The following MACROD2 variants were observed in gnomAD, a reference collection of about 807,000 sequenced individuals.
MACROD2 encodes the protein mono-ADP ribosylhydrolase 2.
Under a neutral mutation model 70.4 loss-of-function variants are expected in MACROD2, and 36 were observed. That is an observed-to-expected ratio of 0.51 (90% CI 0.39 to 0.68). MACROD2 has a LOEUF of 0.68. Ranked by LOEUF, MACROD2 falls within the 30% of genes least tolerant of loss-of-function variation. MACROD2 has a pLI of 0.00. For synonymous variants in MACROD2, 172 were observed against 178.8 expected (o/e 0.96, Z 0.30); for missense variants, 496 against 538.4 (o/e 0.92, Z 0.78).
At chr20:15,209,323 G>T (rs1487480225) in intron 5 of MACROD2, among the ~76,000 whole-genome samples, 1 of 151,908 alleles carries the variant, frequency 6.6e-6, no homozygotes, top group East Asian at 1.9e-4. Context: ...ACTGTCCAGG[G>T]TTTTTAGTTA....
At chr20:14,037,773 TG>T (rs2053334294) in intron 2 of MACROD2, among the ~76,000 whole-genome samples, 1 of 151,796 alleles carries the variant, frequency 6.6e-6, no homozygotes, top group South Asian at 2.1e-4. Flanking sequence ...TCCAGCACCT[TG>T]GGAGGAGGCT....
intron 1 of MACROD2, 141 bp from the exon 2 acceptor site, chr20:14,002,147 G>T: frequency 2.3e-6 from 1 of 434,680 alleles, no homozygotes; most frequent in South Asian, 7.7e-5. Flanking sequence ...ATTTAAATAT[G>T]GAGTCACTGG....
intron 3 of MACROD2, among the ~76,000 whole-genome samples, chr20:14,440,753 G>A (rs531119720): frequency 1.3e-5 from 2 of 152,244 alleles, no homozygotes; most frequent in South Asian, 4.1e-4. Flanking sequence ...TAAGCCTCAG[G>A]GGGCATTAAT....
rs890491704 is a variant in MACROD2 at position 14,369,017 on chromosome 20, G to A, written c.272-124462G>A. On this transcript the variant is annotated intron_variant, in intron 3 of 17. Coordinates refer to ENST00000684519, the MANE Select transcript of MACROD2 (RefSeq NM_001351661.2). ...AGTTTTTATTAGCGAGCATGGGCAT[G>A]GATTTTTTTAAATTCTTCGGTATAC... is the stretch of plus-strand genomic sequence containing the variant. 2.0e-5 allele frequency among the ~76,000 whole-genome samples: 3 copies of A among 152,030 alleles called. No individual in the cohort carries two copies. The East Asian group carries it at 5.8e-4, about 29-fold the overall frequency.
intron 8 of MACROD2, among the ~76,000 whole-genome samples, chr20:15,642,789 G>A (rs1207245196): frequency 1.3e-5 from 2 of 151,894 alleles, no homozygotes; most frequent in African/African-American, 4.9e-5. Context: ...GTGTGTGTAT[G>A]TGTGCACACT....
chr20:15,655,977 A>G (rs947401392), intron 8 of MACROD2, among the ~76,000 whole-genome samples: 1 of 152,270 alleles, frequency 6.6e-6, no homozygotes, highest in East Asian at 1.9e-4. Context: ...TTATCCTCGT[A>G]ATGGTAACCT....
At position 15,579,841 on chromosome 20, in the gene MACROD2, C is replaced by T. The variant is rs75380446; in HGVS notation, c.645+79994C>T. Among the ~76,000 whole-genome samples the T allele has an allele frequency of 5.1e-3, 770 of 152,138 alleles. 4 individuals are homozygous for T. Among genetic ancestry groups the T allele is most frequent in the Non-Finnish European group, 7.5e-3 (511 of 68,008 alleles). ...AAATATAATTATAAGGATGTTAGAC[C>T]CTCTCTTTTGCTGTCACAGCACACA... On this transcript the variant is annotated intron_variant, in intron 8 of 17. Transcript: ENST00000684519.
In MACROD2 at chr20:15,931,131, A is replaced by G. The variant is rs201320432; in HGVS notation, c.776-2145A>G. Among the ~76,000 whole-genome samples, 4 of 152,304 alleles carry G rather than the reference A, an allele frequency of 2.6e-5. No individual in the cohort carries two copies. In the East Asian group the frequency reaches 7.7e-4, roughly 29 times the overall value. Reference sequence around the variant, plus strand: ...ATTTGGTGGGAGGAAAGGGACAGATATTGGCTAAGTTTTTGGCACATGCTC... The same window carrying G: ...ATTTGGTGGGAGGAAAGGGACAGATGTTGGCTAAGTTTTTGGCACATGCTC... On this transcript the variant is annotated intron_variant, in intron 10 of 17. Transcript: ENST00000684519.
chr20:14,168,974 A>G (rs1176451774), intron 3 of MACROD2, among the ~76,000 whole-genome samples: 1 of 152,166 alleles, frequency 6.6e-6, no homozygotes, highest in East Asian at 1.9e-4. Context: ...TAGCTAACCA[A>G]CTTCAACAGC....
rs75563523 is a variant in MACROD2 at position 15,638,897 on chromosome 20, G to C, written c.645+139050G>C. Among the ~76,000 whole-genome samples, 688 of 152,302 alleles carry C rather than the reference G, an allele frequency of 4.5e-3. 10 individuals are homozygous for C. Among genetic ancestry groups the C allele is most frequent in the African/African-American group, 0.016 (649 of 41,560 alleles). ...AATTTTTGACTCCATCCGGAACAGA[G>C]TTGAAATATTCAGGTCCGCAGGGTG... On this transcript the variant is annotated intron_variant, in intron 8 of 17. Transcript: ENST00000684519.
chr20:14,370,921 A>C (rs1195790835), intron 3 of MACROD2, among the ~76,000 whole-genome samples: 1 of 152,216 alleles, frequency 6.6e-6, no homozygotes, highest in Non-Finnish European at 1.5e-5. Flanking sequence ...CTAAAAATTA[A>C]ATAATTATTA....
chr20:14,781,199 C>T (rs759605300), intron 5 of MACROD2, among the ~76,000 whole-genome samples: 26 of 151,982 alleles, frequency 1.7e-4, no homozygotes, highest in Admixed American at 3.3e-4. Flanking sequence ...CCCCCTACCC[C>T]GCCCCACCTC....
chr20:15,816,718 A>G lies in MACROD2; in HGVS notation c.646-46027A>G, dbSNP rs556442593. ...TGACCCCAGGCAGCAGGACTTCATT[A>G]GCTCCAGTCTGTACTAGGCATTACG... On this transcript the variant is annotated intron_variant, in intron 8 of 17. Coordinates refer to ENST00000684519, the MANE Select transcript of MACROD2 (RefSeq NM_001351661.2). Among the ~76,000 whole-genome samples, 3 of 152,336 alleles carry G rather than the reference A, an allele frequency of 2.0e-5. No individual in the cohort carries two copies. The South Asian group carries it at 6.2e-4, about 32-fold the overall frequency.
intron 3 of MACROD2, chr20:14,327,671 A>C (rs2082759922): frequency 1.2e-6 from 1 of 823,464 alleles, no homozygotes; most frequent in Admixed American, 3.5e-5. Flanking sequence ...TAATATTTTC[A>C]TTTGTTTTGG....
intron 4 of MACROD2, among the ~76,000 whole-genome samples, chr20:14,578,303 T>C (rs1980754487): frequency 6.6e-6 from 1 of 152,084 alleles, no homozygotes; most frequent in African/African-American, 2.4e-5. Flanking sequence ...TTTTTTGATA[T>C]TACAGTAGTC....
Position 14,596,412 on chromosome 20 carries a change from C to CATATATATATATATAT in MACROD2, c.302-88424_302-88409dup, listed in dbSNP as rs5840627. 2.4e-3 allele frequency among the ~76,000 whole-genome samples: 343 copies of CATATATATATATATAT among 142,982 alleles called. 3 individuals are homozygous for CATATATATATATATAT. Among genetic ancestry groups the CATATATATATATATAT allele is most frequent in the African/African-American group, 7.9e-3 (307 of 38,846 alleles). 93.8% of individuals were successfully genotyped at this position (142,982 alleles called of 152,430 possible). Reference sequence around the variant, plus strand: ...GCCCATATATATGTAATTTTTTAAACATATATATATATATATATATATGCT... The same window carrying CATATATATATATATAT: ...GCCCATATATATGTAATTTTTTAAACATATATATATATATATATATATATATATATATATATATGCT... On this transcript the variant is annotated intron_variant, in intron 4 of 17. Transcript: ENST00000684519.
chr20:14,130,838 A>C (rs1160398616), intron 3 of MACROD2, among the ~76,000 whole-genome samples: 1 of 152,106 alleles, frequency 6.6e-6, no homozygotes, highest in Non-Finnish European at 1.5e-5. Context: ...GAATCTTCCT[A>C]ATGATGAATT....
At chr20:15,668,593 A>G (rs185586232) in intron 8 of MACROD2, among the ~76,000 whole-genome samples, 3 of 150,056 alleles carry the variant, frequency 2.0e-5, no homozygotes, top group Non-Finnish European at 2.9e-5. Flanking sequence ...AATAAAAATC[A>G]TAGGTGATGC....
At chr20:14,357,516 T>G (rs899223757) in intron 3 of MACROD2, among the ~76,000 whole-genome samples, 4 of 152,226 alleles carry the variant, frequency 2.6e-5, no homozygotes, top group Non-Finnish European at 5.9e-5. Context: ...CTTTCTTGGT[T>G]TGGTCATATT....
Sources: allele counts gnomAD v4.1 joint callset (sites outside exome capture counted in the v4.1 genomes callset), GRCh38; gene constraint gnomAD v4.1.1; transcripts MANE v1.5; gene names NCBI Gene and HGNC (gene_info 2026-07-23, HGNC 2026-07-21).